The following PCSK5 variants were observed in gnomAD, a reference collection of about 807,000 sequenced individuals.
PCSK5 encodes the protein proprotein convertase subtilisin/kexin type 5, also known as prohormone convertase 5.
PCSK5 carries 129 observed loss-of-function variants against 233.2 expected under a neutral mutation model. The observed-to-expected ratio is 0.55, with a 90% CI of 0.48 to 0.64. The LOEUF is 0.64. Ranked by LOEUF, PCSK5 falls within the 30% of genes least tolerant of loss-of-function variation. PCSK5 has a pLI of 0.00. For synonymous variants in PCSK5, 825 were observed against 879.2 expected (o/e 0.94, Z 1.09); for missense variants, 2,076 against 2,430.1 (o/e 0.85, Z 3.06).
chr9:76,320,465 C>CTT (rs140154837), intron 30 of PCSK5, among the ~76,000 whole-genome samples: 1,652 of 101,890 alleles, frequency 0.016, 97 homozygotes, highest in African/African-American at 0.052. Context: ...TACATTGTAG[C>CTT]TTTTTTTTTT....
intron 3 of PCSK5, among the ~76,000 whole-genome samples, chr9:76,014,079 G>A (rs935147552): frequency 2.0e-5 from 3 of 149,994 alleles, no homozygotes; most frequent in Non-Finnish European, 4.4e-5. Context: ...TCAGTGAATA[G>A]AGAGGAGGCA....
In PCSK5 at chr9:75,891,133, A is replaced by G. The variant is rs1825575706; in HGVS notation, c.-49A>G. 1.4e-6 allele frequency: 2 copies of G among 1,415,684 alleles called. No individual in the cohort carries two copies. The highest frequency in any genetic ancestry group is 3.1e-5 in the Admixed American group (1 of 31,884). 87.7% of individuals were successfully genotyped at this position (1,415,684 alleles called of 1,614,324 possible). ...GGAGAAGTTAGTTGTGCGCGCCCTT[A>G]GTGCGCGGAACCAGCCAGCGAGCGA... On this transcript the variant is annotated 5_prime_UTR_variant, in exon 1 of 38. Transcript: ENST00000674117.
intron 3 of PCSK5, among the ~76,000 whole-genome samples, chr9:76,018,287 T>C (rs1828036243): frequency 6.6e-6 from 1 of 152,118 alleles, no homozygotes. Flanking sequence ...ACTGTGGAAA[T>C]TGGGAAACAC....
chr9:76,089,608 C>G (rs549169865), intron 7 of PCSK5, among the ~76,000 whole-genome samples: 19 of 152,312 alleles, frequency 1.2e-4, no homozygotes, highest in African/African-American at 4.3e-4. Context: ...ATGCTACTAT[C>G]TCTCTTACTC....
intron 10 of PCSK5, among the ~76,000 whole-genome samples, chr9:76,147,326 C>T (rs371337951): frequency 6.6e-6 from 1 of 152,208 alleles, no homozygotes; most frequent in East Asian, 1.9e-4. Context: ...AAGATACTGA[C>T]ATCATATACT....
intron 30 of PCSK5, among the ~76,000 whole-genome samples, chr9:76,318,353 A>C (rs1829091117): frequency 6.6e-6 from 1 of 152,100 alleles, no homozygotes; most frequent in Non-Finnish European, 1.5e-5. Flanking sequence ...CATTAGGAGA[A>C]ATACCTAATG....
At chr9:76,133,319 A>G (rs1256718751) in intron 9 of PCSK5, among the ~76,000 whole-genome samples, 1 of 152,054 alleles carries the variant, frequency 6.6e-6, no homozygotes, top group East Asian at 1.9e-4. Flanking sequence ...GTATATACAT[A>G]GTCTATGAAA....
chr9:76,213,680 T>C (rs1825412256), intron 20 of PCSK5, among the ~76,000 whole-genome samples: 1 of 152,128 alleles, frequency 6.6e-6, no homozygotes, highest in Non-Finnish European at 1.5e-5. Context: ...AGTGACTCCC[T>C]TTGACCAGCT....
chr9:76,175,271 G>GGAATGGAATC lies in PCSK5; in HGVS notation c.1900+146_1900+147insGGAATCGAAT, dbSNP rs1564081347. 2,170 of 515,896 alleles carry GGAATGGAATC rather than the reference G, an allele frequency of 4.2e-3. 22 individuals are homozygous for GGAATGGAATC. Among genetic ancestry groups the GGAATGGAATC allele is most frequent in the African/African-American group, 0.039 (1,421 of 36,826 alleles). The allele number at this position is 515,896 out of a possible 1,614,324, so 32.0% of individuals were successfully genotyped here. On this transcript the variant is annotated intron_variant, in intron 14 of 37. Coordinates refer to ENST00000674117, the MANE Select transcript of PCSK5 (RefSeq NM_001372043.1). ...GGAATGGAATGGAATGGAATGGAAT[G>GGAATGGAATC]GAATCGAATCGAATCGAATCGAATA...
chr9:76,116,593 G>C (rs994120564), intron 9 of PCSK5, among the ~76,000 whole-genome samples: 1 of 138,588 alleles, frequency 7.2e-6, no homozygotes, highest in Non-Finnish European at 1.6e-5. Flanking sequence ...AAAATTAAGA[G>C]ATAAAATGGT....
chr9:76,188,285 A>AGAT (rs1824197667), intron 17 of PCSK5, among the ~76,000 whole-genome samples: 2 of 150,244 alleles, frequency 1.3e-5, no homozygotes, highest in South Asian at 2.1e-4. Flanking sequence ...CTGGGTTGTA[A>AGAT]GATGTTGCGC....
chr9:76,154,074 T>G (rs1823780937), intron 10 of PCSK5, among the ~76,000 whole-genome samples: 1 of 152,214 alleles, frequency 6.6e-6, no homozygotes, highest in Non-Finnish European at 1.5e-5. Flanking sequence ...TTGAGGGAGT[T>G]CCTCTGCCCA....
intron 32 of PCSK5, among the ~76,000 whole-genome samples, chr9:76,325,512 G>A (rs574336319): frequency 1.1e-4 from 16 of 152,234 alleles, no homozygotes; most frequent in African/African-American, 3.6e-4. Context: ...GAGGTAAATG[G>A]CAATTTTCTG....
chr9:75,903,673 TG>T (rs1826152434), intron 1 of PCSK5, among the ~76,000 whole-genome samples: 1 of 149,052 alleles, frequency 6.7e-6, no homozygotes, highest in South Asian at 2.1e-4. Flanking sequence ...TCTTAAGGTC[TG>T]GTATTTTTCT....
chr9:76,113,124 G>A (rs572778835), intron 9 of PCSK5, among the ~76,000 whole-genome samples: 8 of 151,992 alleles, frequency 5.3e-5, no homozygotes, highest in African/African-American at 1.4e-4. Flanking sequence ...GCCTCAACTC[G>A]TCTCTCATCC....
chr9:75,957,979 A>G (rs1042792032), intron 2 of PCSK5, among the ~76,000 whole-genome samples: 1 of 152,180 alleles, frequency 6.6e-6, no homozygotes, highest in African/African-American at 2.4e-5. Flanking sequence ...TTACCTGAGA[A>G]TGATGGTTTA....
At chr9:76,112,753 A>G (rs1415340236) in intron 9 of PCSK5, among the ~76,000 whole-genome samples, 2 of 152,102 alleles carry the variant, frequency 1.3e-5, no homozygotes, top group Non-Finnish European at 2.9e-5. Flanking sequence ...GGGATTTTAT[A>G]TTCTCATTAG....
chr9:75,943,293 A>G (rs535395752), intron 2 of PCSK5, among the ~76,000 whole-genome samples: 17 of 152,222 alleles, frequency 1.1e-4, no homozygotes, highest in Admixed American at 4.6e-4. Context: ...GGAATTTTGA[A>G]CCTATAGTTT....
chr9:75,973,479 C>T (rs569968256), intron 2 of PCSK5, among the ~76,000 whole-genome samples: 2 of 152,288 alleles, frequency 1.3e-5, no homozygotes, highest in East Asian at 1.9e-4. Flanking sequence ...GCAGTGAATA[C>T]AGTCATTAAT....
Sources: gnomAD v4.1 joint callset for allele counts (sites outside exome capture counted in the v4.1 genomes callset) on GRCh38, gnomAD v4.1.1 for gene constraint, MANE v1.5 for transcripts, NCBI Gene and HGNC (gene_info 2026-07-23, HGNC 2026-07-21) for gene names.